Variants in TCF12 observed in about 807,000 individuals in gnomAD.
TCF12 encodes transcription factor 12.
In TCF12, 45 loss-of-function variants were observed where a neutral mutation model predicts 86.0. The observed-to-expected ratio is 0.52, with a 90% CI of 0.41 to 0.67. TCF12 has a LOEUF of 0.67. Ranked by LOEUF, TCF12 falls within the 30% of genes least tolerant of loss-of-function variation. The pLI is 0.00. For missense variants in TCF12, 881 were observed against 859.9 expected (o/e 1.02, Z -0.31); for synonymous variants, 330 against 299.6 (o/e 1.10, Z -1.05).
chr15:57,158,249 A>G (rs924532030), intron 5 of TCF12, among the ~76,000 whole-genome samples: 9 of 140,294 alleles, frequency 6.4e-5, no homozygotes, highest in Non-Finnish European at 9.2e-5. Flanking sequence ...AATTCAGTGG[A>G]CTCACTGCAG....
intron 3 of TCF12, among the ~76,000 whole-genome samples, chr15:56,984,830 A>T (rs2063103969): frequency 6.6e-6 from 1 of 152,216 alleles, no homozygotes; most frequent in African/African-American, 2.4e-5. Flanking sequence ...CCCTACCATT[A>T]TGAAAAGTCC....
intron 3 of TCF12, among the ~76,000 whole-genome samples, chr15:56,982,418 A>G (rs1219905928): frequency 2.0e-5 from 3 of 152,164 alleles, no homozygotes; most frequent in East Asian, 3.8e-4. Flanking sequence ...TTTGATGGTG[A>G]TTACATGTAA....
chr15:57,046,128 T>C (rs1223313451), intron 3 of TCF12, among the ~76,000 whole-genome samples: 1 of 152,210 alleles, frequency 6.6e-6, no homozygotes, highest in Non-Finnish European at 1.5e-5. Context: ...TTAAACGCCT[T>C]ACCAACATCA....
At chr15:57,097,537 T>C (rs953190065) in intron 5 of TCF12, among the ~76,000 whole-genome samples, 1 of 151,528 alleles carries the variant, frequency 6.6e-6, no homozygotes, top group Non-Finnish European at 1.5e-5. Context: ...AAAAAAATAA[T>C]AAAAAATAAA....
chr15:57,200,205 A>G (rs1057205170), intron 8 of TCF12, among the ~76,000 whole-genome samples: 3 of 152,240 alleles, frequency 2.0e-5, no homozygotes, highest in African/African-American at 7.2e-5. Flanking sequence ...TTAAAAAAGA[A>G]AACAGAAAAA....
chr15:57,070,210 A>T (rs933856285), intron 4 of TCF12, among the ~76,000 whole-genome samples: 1 of 151,688 alleles, frequency 6.6e-6, no homozygotes, highest in Non-Finnish European at 1.5e-5. Flanking sequence ...TTATTAAGGG[A>T]TAGTAATAGG....
chr15:57,043,157 C>G (rs1482542619), intron 3 of TCF12, among the ~76,000 whole-genome samples: 3 of 151,916 alleles, frequency 2.0e-5, no homozygotes, highest in Admixed American at 6.6e-5. Context: ...ATCTAAAGAC[C>G]CACTAAAACT....
Position 57,190,530 on chromosome 15 carries a change from T to C in TCF12, c.391-1628T>C, listed in dbSNP as rs76824765. 3.8e-3 allele frequency among the ~76,000 whole-genome samples: 574 copies of C among 152,128 alleles called. 2 individuals are homozygous for C. Among genetic ancestry groups the C allele is most frequent in the Non-Finnish European group, 5.2e-3 (353 of 68,002 alleles). ...AATCACAGTTCTTTTCACTTGAGAG[T>C]ATCTTCTCAAGTGTATTCAACCCCC... is the stretch of plus-strand genomic sequence containing the variant. On this transcript the variant is annotated intron_variant, in intron 6 of 20. Transcript: ENST00000333725.
At chr15:57,243,390 T>C (rs528871688) in intron 12 of TCF12, 82 bp from the exon 13 acceptor site, 2 of 1,268,900 alleles carry the variant, frequency 1.6e-6, no homozygotes, top group Middle Eastern at 2.3e-4. Context: ...AACTAGATTA[T>C]AAAAATAACT....
At chr15:56,984,014 A>AAAAAAAAAGAAG (rs777234282) in intron 3 of TCF12, among the ~76,000 whole-genome samples, 28 of 104,396 alleles carry the variant, frequency 2.7e-4, no homozygotes, top group African/African-American at 9.5e-4. Context: ...AAAAAAAAAA[A>AAAAAAAAAGAAG]AAGAAGAAGA....
chr15:57,113,607 C>A (rs2050644006), intron 5 of TCF12, among the ~76,000 whole-genome samples: 1 of 151,646 alleles, frequency 6.6e-6, no homozygotes, highest in African/African-American at 2.4e-5. Flanking sequence ...GAAAGGAGTA[C>A]TGTCATTGTC....
At chr15:57,247,711 T>C in intron 13 of TCF12, 1 of 737,744 alleles carries the variant, frequency 1.4e-6, no homozygotes, top group Admixed American at 1.8e-5. Context: ...CAGAATCCTC[T>C]ATAGAAAGAG....
chr15:56,980,198 A>C (rs1354392945), intron 3 of TCF12, among the ~76,000 whole-genome samples: 2 of 152,164 alleles, frequency 1.3e-5, no homozygotes, highest in African/African-American at 2.4e-5. Flanking sequence ...CTACCAAAAA[A>C]ACAAATTATT....
intron 6 of TCF12, among the ~76,000 whole-genome samples, chr15:57,185,197 G>A (rs2056597454): frequency 6.6e-6 from 1 of 152,186 alleles, no homozygotes; most frequent in Non-Finnish European, 1.5e-5. Flanking sequence ...ACATTTTGAG[G>A]AGTCTGGAAA....
chr15:56,918,143 G>A, upstream of TCF12: 1 of 452,642 alleles, frequency 2.2e-6, no homozygotes, highest in Non-Finnish European at 4.4e-6. Context: ...TGTCTGCGCC[G>A]ACTGCAGCCC....
chr15:56,918,342 C>G (rs568217792), upstream of TCF12: 2 of 441,104 alleles, frequency 4.5e-6, no homozygotes, highest in East Asian at 1.4e-4. Flanking sequence ...AAGACCAACG[C>G]GAGGAGGCGC....
Position 57,063,736 on chromosome 15 carries a change from T to G in TCF12, c.149-14T>G. On this transcript the variant is annotated splice_polypyrimidine_tract_variant and intron_variant, in intron 3 of 20. Coordinates refer to ENST00000333725, the MANE Select transcript of TCF12 (RefSeq NM_207037.2). ...ATGTTTTTAGATATATCTTTTATTT[T>G]CTTCTCTTTTTAGGTATTGATGAAA... 1.3e-6 allele frequency: 2 copies of G among 1,589,774 alleles called. No homozygotes were observed. The highest frequency in any genetic ancestry group is 1.7e-6 in the Non-Finnish European group (2 of 1,161,800).
chr15:57,153,952 G>A (rs896734210), intron 5 of TCF12, among the ~76,000 whole-genome samples: 4 of 151,298 alleles, frequency 2.6e-5, no homozygotes, highest in African/African-American at 9.7e-5. Context: ...CTGTGATCAC[G>A]CCATTGCATT....
intron 3 of TCF12, among the ~76,000 whole-genome samples, chr15:57,001,011 A>ATT (rs1437384791): frequency 3.5e-4 from 47 of 134,412 alleles, no homozygotes; most frequent in African/African-American, 7.9e-4. Context: ...ATTTAAAAAA[A>ATT]ATTTTTTTTT....
Sources: allele counts gnomAD v4.1 joint callset (sites outside exome capture counted in the v4.1 genomes callset), GRCh38; gene constraint gnomAD v4.1.1; transcripts MANE v1.5; gene names NCBI Gene and HGNC (gene_info 2026-07-23, HGNC 2026-07-21).